GPC1: variants seen among roughly 807,000 people sequenced by gnomAD.
GPC1 encodes glypican-1.
A neutral mutation model predicts 51.5 loss-of-function variants in GPC1; 26 were observed. The ratio of observed to expected loss-of-function variants is 0.50; its 90% confidence interval spans 0.37 to 0.70. GPC1 has a LOEUF of 0.70. Among genes scored for constraint, GPC1 ranks in the 30% least tolerant of loss-of-function variants. The pLI, the probability that GPC1 is intolerant of heterozygous loss-of-function variation, is 0.00. For synonymous variants in GPC1, 380 were observed against 348.3 expected, an observed-to-expected ratio of 1.09 and a Z score of -1.01; for missense variants, 775 against 800.5, an observed-to-expected ratio of 0.97 and a Z score of 0.38.
At chr2:240,451,088 A>T (rs950918505) in intron 1 of GPC1, 17 of 469,854 alleles carry the variant, frequency 3.6e-5, no homozygotes, top group Non-Finnish European at 7.1e-5. Context: ...GTTGGGTCGG[A>T]GGTGAGCGGC....
In GPC1 at chr2:240,448,193, C is replaced by G. The variant is rs1037020258; in HGVS notation, c.167-10837C>G. On this transcript the variant is annotated intron_variant, in intron 1 of 8. Transcript: ENST00000264039. This position sits in a 1 kb window ranked among gnomAD's most constrained non-coding sequence, Gnocchi z 4.5. ...GCAGGAAGGGCAGGAGATGCTGGCC[C>G]CGGGTCTGGACAGCTGCCCTCATAG... 1.3e-5 allele frequency among the ~76,000 whole-genome samples: 2 copies of G among 152,154 alleles called. No individual in the cohort carries two copies. Among genetic ancestry groups the G allele is most frequent in the Non-Finnish European group, 2.9e-5 (2 of 68,016 alleles).
intron 1 of GPC1, among the ~76,000 whole-genome samples, chr2:240,446,482 T>C (rs1335712846): frequency 6.6e-6 from 1 of 152,204 alleles, no homozygotes; most frequent in African/African-American, 2.4e-5. Flanking sequence ...GGGTGTGACA[T>C]GCAGGAATCT....
At chr2:240,442,619 TC>T (rs1190720351) in intron 1 of GPC1, 7 of 152,260 alleles carry the variant, frequency 4.6e-5, no homozygotes, top group Non-Finnish European at 7.3e-5. Flanking sequence ...ACCGGTACCA[TC>T]TCTTCTTAAC....
intron 1 of GPC1, chr2:240,450,050 TG>T: frequency 2.6e-6 from 1 of 379,422 alleles, no homozygotes. Flanking sequence ...TCCAGTTCTT[TG>T]GGGCCAAATA....
chr2:240,453,728 C>T (rs1233746176), intron 1 of GPC1, among the ~76,000 whole-genome samples: 1 of 151,656 alleles, frequency 6.6e-6, no homozygotes, highest in African/African-American at 2.4e-5. Context: ...CGTGTCCAGA[C>T]CCCTGCGCAC....
intron 1 of GPC1, among the ~76,000 whole-genome samples, chr2:240,445,697 C>G (rs1036176876): frequency 6.6e-5 from 10 of 152,300 alleles, no homozygotes; most frequent in Non-Finnish European, 1.2e-4. Context: ...ACATCTCCAT[C>G]GTTGCTAACC....
rs189433948 is a variant in GPC1 at position 240,445,904 on chromosome 2, C to T, written c.166+9820C>T. Among the ~76,000 whole-genome samples, 874 of 152,246 alleles carry T rather than the reference C, an allele frequency of 5.7e-3. 7 individuals carry two copies. The highest frequency in any genetic ancestry group is 0.02 in the African/African-American group (818 of 41,544). On this transcript the variant is annotated intron_variant, in intron 1 of 8. Transcript: ENST00000264039. ...TTGCGGCTCCTGTGAAACGGCTTCC[C>T]GGGGAAGCACGTGCGTTGCCACCTC... is the stretch of plus-strand genomic sequence containing the variant.
chr2:240,464,335 C>G (rs955189152), intron 4 of GPC1: 2 of 451,108 alleles, frequency 4.4e-6, no homozygotes, highest in Non-Finnish European at 8.2e-6. Context: ...CGTGGACATA[C>G]GAGACACGGC....
intron 1 of GPC1, among the ~76,000 whole-genome samples, chr2:240,440,895 G>T (rs1027396541): frequency 2.6e-5 from 4 of 152,230 alleles, no homozygotes. Flanking sequence ...ACTGCCTGTG[G>T]GGGGCAGGAC....
At chr2:240,455,271 G>A (rs79370036) in intron 1 of GPC1, among the ~76,000 whole-genome samples, 1 of 152,236 alleles carries the variant, frequency 6.6e-6, no homozygotes, top group East Asian at 1.9e-4. Context: ...GAGCACTGGG[G>A]AAGGGAAGTG....
At chr2:240,456,156 C>A in intron 1 of GPC1, 1 of 261,900 alleles carries the variant, frequency 3.8e-6, no homozygotes, top group Non-Finnish European at 7.6e-6. Context: ...GCGGGGGAGG[C>A]TGAGGCGCGG....
At chr2:240,461,600 C>G (rs545791436) in intron 2 of GPC1, among the ~76,000 whole-genome samples, 1 of 152,252 alleles carries the variant, frequency 6.6e-6, no homozygotes, top group Non-Finnish European at 1.5e-5. Context: ...AGGAGGCCCC[C>G]CAGAGCCCTC....
At position 240,436,025 on chromosome 2, in the gene GPC1, G is replaced by T; in HGVS notation, c.107G>T (p.Arg36Leu). Residue 36 changes from arginine to leucine, a missense_variant, in exon 1 of 9, where the codon CGC becomes CTC. Physicochemically the swap from Arg to Leu is moderately radical, Grantham distance 102. Transcript: ENST00000264039. The stretch of plus-strand genomic sequence containing the variant: ...AAGAGCCGGAGCTGCGGCGAGGTCC[G>T]CCAGATCTACGGAGCCAAGGGCTTC... ...ASKSRSCGEV[R>L]QIYGAKGFSL... 7.2e-7 allele frequency: 1 copy of T among 1,385,936 alleles called. No individual in the cohort carries two copies. Among genetic ancestry groups the T allele is most frequent in the Non-Finnish European group, 9.4e-7 (1 of 1,067,154 alleles). 85.9% of individuals were successfully genotyped at this position (1,385,936 alleles called of 1,614,324 possible).
At chr2:240,452,192 T>C (rs2074105095) in intron 1 of GPC1, 1 of 152,362 alleles carries the variant, frequency 6.6e-6, no homozygotes, top group Non-Finnish European at 1.5e-5. Flanking sequence ...GTCCCTCTGG[T>C]GTCCAAGGAG....
At chr2:240,462,648 C>T (rs1012416901) in intron 3 of GPC1, 66 bp downstream of exon 3, 12 of 1,391,372 alleles carry the variant, frequency 8.6e-6, no homozygotes, top group Admixed American at 4.6e-5. Context: ...CAAGGGACTT[C>T]CTCTTCCCCC....
chr2:240,443,680 G>A (rs1468511707), intron 1 of GPC1, among the ~76,000 whole-genome samples: 1 of 152,212 alleles, frequency 6.6e-6, no homozygotes, highest in Non-Finnish European at 1.5e-5. Context: ...GCCTCCTGGT[G>A]GGCTCTCAAG....
At chr2:240,465,897 G>C (rs945389625) in intron 8 of GPC1, among the ~76,000 whole-genome samples, 161 bp from the exon 9 acceptor site, 1 of 152,168 alleles carries the variant, frequency 6.6e-6, no homozygotes, top group Non-Finnish European at 1.5e-5. Context: ...CAGGGAGTGA[G>C]AGTCTCCCAG....
In GPC1 at chr2:240,466,193, A is replaced by G; in HGVS notation, c.1580A>G (p.Gln527Arg). The G allele has an allele frequency of 6.2e-7, 1 of 1,612,874 alleles. No homozygotes were observed. Among genetic ancestry groups the G allele is most frequent in the Non-Finnish European group, 8.5e-7 (1 of 1,179,418 alleles). The change falls in exon 9 of 9, where the codon CAG (glutamine) becomes CGG (arginine). Residue 527 changes from glutamine to arginine, a missense_variant. Gln to Arg is a conservative substitution (Grantham distance 43). Transcript: ENST00000264039. Reference sequence around the variant, plus strand: ...CCAGGCCTGTCAGAGCAGGAAGGACAGAAGACCTCGGCTGCCAGCTGCCCC... The same window carrying G: ...CCAGGCCTGTCAGAGCAGGAAGGACGGAAGACCTCGGCTGCCAGCTGCCCC... ...ALPGLSEQEG[Q>R]KTSAASCPQP...
At chr2:240,452,235 C>CT (rs934875733) in intron 1 of GPC1, 9 of 152,636 alleles carry the variant, frequency 5.9e-5, no homozygotes, top group African/African-American at 2.2e-4. Flanking sequence ...ACCTCCCAGG[C>CT]TGGGGGCACC....
Sources: gnomAD v4.1 joint callset for allele counts (sites outside exome capture counted in the v4.1 genomes callset) on GRCh38, gnomAD v4.1.1 for gene constraint, Gnocchi (gnomAD v3.1) non-coding constraint, MANE v1.5 for transcripts, NCBI Gene and HGNC (gene_info 2026-07-23, HGNC 2026-07-21) for gene names.